The following ZNF395 variants were observed in gnomAD, a reference collection of about 807,000 sequenced individuals.
The protein encoded by ZNF395 is HD gene regulatory region-binding protein 2.
Under a neutral mutation model 57.7 loss-of-function variants are expected in ZNF395, and 20 were observed. The ratio of observed to expected loss-of-function variants is 0.35; its 90% CI spans 0.24 to 0.50. The LOEUF is 0.50. ZNF395 is among the 20% of genes least tolerant of loss of function. The pLI, the probability that ZNF395 is intolerant of heterozygous loss-of-function variation, is 0.97. For missense variants in ZNF395, 606 were observed against 671.2 expected, an observed-to-expected ratio of 0.90 and a Z score of 1.07; for synonymous variants, 295 against 275.9, an observed-to-expected ratio of 1.07 and a Z score of -0.69.
chr8:28,351,403 G>T, intron 7 of ZNF395, 92 bp downstream of exon 7: 1 of 1,416,828 alleles, frequency 7.1e-7, no homozygotes. Flanking sequence ...AAAGGGCTCA[G>T]CCTTCCATCA....
In ZNF395 at chr8:28,351,844, C is replaced by T. The variant is rs770315846; in HGVS notation, c.921-37G>A. ...GGAGATGCGGTATAATCAGGGGCAC[C>T]CTGCCCCCTTCAAACCCAGCGGGGA... On this transcript the variant is annotated intron_variant, in intron 6 of 9. Coordinates refer to ENST00000344423, the MANE Select transcript of ZNF395 (RefSeq NM_018660.3). 1.1e-5 allele frequency: 17 copies of T among 1,511,098 alleles called. No homozygotes were observed. In the South Asian group the frequency reaches 1.8e-4, roughly 16 times the overall value. The allele number at this position is 1,511,098 out of a possible 1,614,324, so 93.6% of individuals were successfully genotyped here. A position where few individuals can be genotyped will look rare whatever the true frequency, so the allele number is the denominator to read the frequency against.
chr8:28,360,836 C>T (rs779631911), intron 2 of ZNF395, 49 bp downstream of exon 2: 3 of 1,600,068 alleles, frequency 1.9e-6, no homozygotes, highest in South Asian at 2.3e-5. Context: ...CAGCCCCCTA[C>T]CCCAAGACTG....
Position 28,351,536 on chromosome 8 carries a change from G to A in ZNF395, c.1192C>T (p.Pro398Ser), listed in dbSNP as rs1418214088. 4 of 1,613,014 alleles carry A rather than the reference G, an allele frequency of 2.5e-6. No homozygotes were observed. In the African/African-American group the frequency reaches 4.0e-5, roughly 16 times the overall value. The change falls in exon 7 of 10, where the codon CCT (proline) becomes TCT (serine). Residue 398 changes from proline (P) to serine (S), a missense_variant. Transcript: ENST00000344423. ...LPSGALSKSAPGSFWHIQADH... is the reference protein window; with the variant it reads ...LPSGALSKSASGSFWHIQADH... ...GCCTGAATGTGCCAGAAGGACCCAG[G>A]AGCTGACTTGCTGAGAGCCCCTGAG...
Position 28,348,526 on chromosome 8 carries a change from T to C in ZNF395, c.*193A>G, listed in dbSNP as rs1268300860. On this transcript the variant is annotated 3_prime_UTR_variant, in exon 10 of 10. Coordinates refer to ENST00000344423, the MANE Select transcript of ZNF395 (RefSeq NM_018660.3). Reference sequence around the variant, plus strand: ...ATTTTAGGGGGAAAAATATTTTTGTTTCTTTTTTTTAAAAAATAAAATGTT... The same window carrying C: ...ATTTTAGGGGGAAAAATATTTTTGTCTCTTTTTTTTAAAAAATAAAATGTT... 3.4e-6 allele frequency: 2 copies of C among 588,642 alleles called. No individual in the cohort carries two copies. Among genetic ancestry groups the C allele is most frequent in the Non-Finnish European group, 6.0e-6 (2 of 332,092 alleles). The allele number at this position is 588,642 out of a possible 1,614,324, so 36.5% of individuals were successfully genotyped here. A position where few individuals can be genotyped will look rare whatever the true frequency, so the allele number is the denominator to read the frequency against.
intron 1 of ZNF395, among the ~76,000 whole-genome samples, chr8:28,384,249 G>A (rs7831032): frequency 0.042 from 6,431 of 152,212 alleles, 483 homozygotes; most frequent in African/African-American, 0.15. Flanking sequence ...CACCAAAAGG[G>A]CTAAGACTTT....
intron 1 of ZNF395, among the ~76,000 whole-genome samples, chr8:28,372,340 G>A (rs1018987399): frequency 1.1e-4 from 17 of 152,118 alleles, no homozygotes; most frequent in Admixed American, 2.0e-4. Context: ...GCAAAAGTGC[G>A]CGATAAATGC....
Position 28,359,597 on chromosome 8 carries a change from T to C in ZNF395, c.468A>G (p.Pro156=). 1 of 1,597,524 alleles carries C rather than the reference T, an allele frequency of 6.3e-7. No individual in the cohort carries two copies. Among genetic ancestry groups the C allele is most frequent in the Non-Finnish European group, 8.5e-7 (1 of 1,169,876 alleles). Residue 156 remains proline, a synonymous_variant, in exon 3 of 10, where the codon CCA becomes CCG. Transcript: ENST00000344423. This position sits in a 1 kb window ranked among gnomAD's most constrained non-coding sequence, Gnocchi z 4.7. ...GTTTCTTCTCCCACACAAACCTCTT[T>C]GGGACATCGATGTTCCTGGAGACGG... is the stretch of plus-strand genomic sequence containing the variant. ...YRPVSRNIDV[P]KRKSDAVEMD... is the part of the protein sequence containing the mutation.
At chr8:28,351,391 C>T in intron 7 of ZNF395, 104 bp downstream of exon 7, 2 of 1,330,054 alleles carry the variant, frequency 1.5e-6, no homozygotes, top group Non-Finnish European at 2.0e-6. Context: ...AGCAATTTGG[C>T]CAAAGGGCTC....
chr8:28,360,808 C>T, intron 2 of ZNF395, 77 bp downstream of exon 2: 1 of 1,557,604 alleles, frequency 6.4e-7, no homozygotes, highest in Non-Finnish European at 8.7e-7. Flanking sequence ...GAGTTTCCGG[C>T]CTGTCACTAG....
At chr8:28,372,768 AGAGT>A (rs1334534302) in intron 1 of ZNF395, among the ~76,000 whole-genome samples, 3 of 152,222 alleles carry the variant, frequency 2.0e-5, no homozygotes, top group Non-Finnish European at 4.4e-5. Flanking sequence ...CCTGAACAAC[AGAGT>A]GAGACCCTGT....
intron 3 of ZNF395, among the ~76,000 whole-genome samples, chr8:28,357,064 G>T (rs866985009): frequency 6.6e-6 from 1 of 152,080 alleles, no homozygotes; most frequent in Admixed American, 6.5e-5. Flanking sequence ...CCACTGTGAC[G>T]CCCTGAGACA....
intron 4 of ZNF395, among the ~76,000 whole-genome samples, chr8:28,355,540 T>C (rs1208846166): frequency 6.6e-6 from 1 of 152,168 alleles, no homozygotes; most frequent in Admixed American, 6.5e-5. Flanking sequence ...TGTGTATGCA[T>C]GTATTATACA....
intron 9 of ZNF395, 144 bp from the exon 10 acceptor site, chr8:28,348,974 G>T: frequency 8.7e-7 from 1 of 1,143,976 alleles, no homozygotes. Context: ...AGGCTCTGAG[G>T]ACCAAACAGT....
Position 28,356,378 on chromosome 8 carries a change from T to C in ZNF395, c.583+292A>G, listed in dbSNP as rs1233068179. The stretch of plus-strand genomic sequence containing the variant: ...CCTCATTCAGACCCCACCAAAGTGC[T>C]GGGCTCAGCCACTCCCATTGAAGAA... On this transcript the variant is annotated intron_variant, in intron 4 of 9. Transcript: ENST00000344423. This position sits in a 1 kb window ranked among gnomAD's most constrained non-coding sequence, Gnocchi z 4.0. Among the ~76,000 whole-genome samples, 1 of 152,244 alleles carries C rather than the reference T, an allele frequency of 6.6e-6. No homozygotes were observed. The highest frequency in any genetic ancestry group is 1.9e-4 in the East Asian group (1 of 5,196).
Position 28,352,680 on chromosome 8 carries a change from GA to G in ZNF395, c.820-8del, listed in dbSNP as rs1279834168. 6.2e-7 allele frequency: 1 copy of G among 1,612,582 alleles called. No individual in the cohort carries two copies. The highest frequency in any genetic ancestry group is 8.5e-7 in the Non-Finnish European group (1 of 1,178,630). ...ACATCACCTTCACAGAGTTCTACAG[GA>G]AAGGAAGACAGGGTGAGTGGATATG... On this transcript the variant is annotated splice_polypyrimidine_tract_variant and splice_region_variant and intron_variant, in intron 5 of 9. Coordinates refer to ENST00000344423, the MANE Select transcript of ZNF395 (RefSeq NM_018660.3). This position sits in a 1 kb window ranked among gnomAD's most constrained non-coding sequence, Gnocchi z 4.0.
At chr8:28,362,406 G>T (rs915569067) in intron 1 of ZNF395, among the ~76,000 whole-genome samples, 1 of 152,122 alleles carries the variant, frequency 6.6e-6, no homozygotes, top group African/African-American at 2.4e-5. Flanking sequence ...CCTACTATTC[G>T]CTCATTTGCT....
At chr8:28,373,776 C>A (rs778243051) in intron 1 of ZNF395, among the ~76,000 whole-genome samples, 1 of 152,168 alleles carries the variant, frequency 6.6e-6, no homozygotes, top group Non-Finnish European at 1.5e-5. Flanking sequence ...ATGGTATGTG[C>A]GACCTGTGAG....
Position 28,346,932 on chromosome 8 carries a change from A to C in ZNF395, c.*1787T>G, listed in dbSNP as rs1243231347. 1 of 151,786 alleles carries C rather than the reference A, an allele frequency of 6.6e-6. No individual in the cohort carries two copies. Among genetic ancestry groups the C allele is most frequent in the African/African-American group, 2.4e-5 (1 of 41,292 alleles). 9.4% of individuals were successfully genotyped at this position (151,786 alleles called of 1,614,324 possible). ...GCTTTGAGCTTTACCAAGAGACAGA[A>C]TTCCACATACATTTTTTTTTTTTTA... On this transcript the variant is annotated 3_prime_UTR_variant, in exon 10 of 10. Transcript: ENST00000344423.
At chr8:28,380,564 A>T (rs1362696498) in intron 1 of ZNF395, among the ~76,000 whole-genome samples, 1 of 152,190 alleles carries the variant, frequency 6.6e-6, no homozygotes, top group South Asian at 2.1e-4. Context: ...CCAATAATTA[A>T]CAGTTTCACA....
Sources: gnomAD v4.1 joint callset for allele counts (sites outside exome capture counted in the v4.1 genomes callset) on GRCh38, gnomAD v4.1.1 for gene constraint, Gnocchi (gnomAD v3.1) non-coding constraint, MANE v1.5 for transcripts, NCBI Gene and HGNC (gene_info 2026-07-23, HGNC 2026-07-21) for gene names.